The following CSRNP3 variants were observed in gnomAD, a reference collection of about 807,000 sequenced individuals.
CSRNP3 encodes the protein cysteine/serine-rich nuclear protein 3.
CSRNP3 carries 12 observed loss-of-function variants against 48.0 expected under a neutral mutation model. The ratio of observed to expected loss-of-function variants is 0.25; its 90% CI spans 0.16 to 0.41. CSRNP3 has a LOEUF of 0.41. Among genes scored for constraint, CSRNP3 ranks in the 10% least tolerant of loss-of-function variants. The pLI is 1.00. For missense variants in CSRNP3, 580 were observed against 724.4 expected, an observed-to-expected ratio of 0.80 and a Z score of 2.29; for synonymous variants, 263 against 269.7, an observed-to-expected ratio of 0.98 and a Z score of 0.24.
chr2:165,533,870 A>C (rs1485967244), intron 3 of CSRNP3, among the ~76,000 whole-genome samples: 1 of 152,024 alleles, frequency 6.6e-6, no homozygotes, highest in East Asian at 1.9e-4. Context: ...TAGCAAGTTG[A>C]TAAGTGTAAG....
chr2:165,629,582 C>A (rs2105325473), intron 4 of CSRNP3, among the ~76,000 whole-genome samples: 1 of 152,242 alleles, frequency 6.6e-6, no homozygotes, highest in Admixed American at 6.5e-5. Context: ...CGACTTGTCC[C>A]AGGTCATTTG....
At chr2:165,675,471 C>A (rs985263331) in intron 5 of CSRNP3, among the ~76,000 whole-genome samples, 2 of 152,048 alleles carry the variant, frequency 1.3e-5, no homozygotes, top group African/African-American at 4.8e-5. Flanking sequence ...TAACGTGATA[C>A]AATAGTAAGA....
chr2:165,471,935 C>G (rs1465524701), intron 1 of CSRNP3, among the ~76,000 whole-genome samples: 1 of 151,846 alleles, frequency 6.6e-6, no homozygotes, highest in East Asian at 1.9e-4. Flanking sequence ...CAAATGAAAA[C>G]CATGTAAGGC....
intron 4 of CSRNP3, among the ~76,000 whole-genome samples, chr2:165,632,670 G>T (rs929667040): frequency 3.3e-5 from 5 of 152,144 alleles, no homozygotes; most frequent in Non-Finnish European, 7.4e-5. Flanking sequence ...GAGTCTCCAT[G>T]AGAATATTTT....
At position 165,680,609 on chromosome 2, in the gene CSRNP3, C is replaced by T. The variant is rs994577992; in HGVS notation, c.*856C>T. ...CTTGGACAGCACCTTTAAGCTCTAC[C>T]CCCTACATCAAAATGCACTTTAGTG... On this transcript the variant is annotated 3_prime_UTR_variant, in exon 7 of 7. Transcript: ENST00000651982. 1.3e-5 allele frequency: 2 copies of T among 152,356 alleles called. No homozygotes were observed. Among genetic ancestry groups the T allele is most frequent in the African/African-American group, 4.8e-5 (2 of 41,316 alleles). 9.4% of individuals were successfully genotyped at this position (152,356 alleles called of 1,614,324 possible).
intron 4 of CSRNP3, among the ~76,000 whole-genome samples, chr2:165,602,417 A>G (rs888723826): frequency 1.3e-4 from 20 of 152,190 alleles, no homozygotes; most frequent in African/African-American, 3.4e-4. Flanking sequence ...GGGGTACACA[A>G]TCTGGGACCA....
chr2:165,552,694 ATTTTTTAT>A (rs1685113398), intron 3 of CSRNP3, among the ~76,000 whole-genome samples: 1 of 151,320 alleles, frequency 6.6e-6, no homozygotes. Flanking sequence ...TAATTTATCT[ATTTTTTAT>A]TTTTTTATTT....
intron 3 of CSRNP3, among the ~76,000 whole-genome samples, chr2:165,569,690 A>G (rs1003771294): frequency 6.6e-6 from 1 of 151,906 alleles, no homozygotes; most frequent in Non-Finnish European, 1.5e-5. Context: ...TGGCCCATAA[A>G]CTTGTTTTAT....
In CSRNP3 at chr2:165,687,895, G is replaced by A. The variant is rs570805450; in HGVS notation, c.*8142G>A. 7.2e-5 allele frequency: 11 copies of A among 151,944 alleles called. No homozygotes were observed. The highest frequency in any genetic ancestry group is 3.9e-4 in the East Asian group (2 of 5,164). 9.4% of individuals were successfully genotyped at this position (151,944 alleles called of 1,614,324 possible). Reference sequence around the variant, plus strand: ...TCACCAGAAGATGAGGAACACCCCCGAAATCAATGTTTCCTTTCTCCATGG... The same window carrying A: ...TCACCAGAAGATGAGGAACACCCCCAAAATCAATGTTTCCTTTCTCCATGG... On this transcript the variant is annotated 3_prime_UTR_variant, in exon 7 of 7. Coordinates refer to ENST00000651982, the MANE Select transcript of CSRNP3 (RefSeq NM_001172173.2).
intron 4 of CSRNP3, among the ~76,000 whole-genome samples, chr2:165,636,187 T>C (rs1379118393): frequency 1.3e-5 from 2 of 152,226 alleles, no homozygotes; most frequent in African/African-American, 2.4e-5. Context: ...TTATTAGCTA[T>C]GGCAAGTGAC....
At chr2:165,510,042 G>A (rs952433336) in intron 2 of CSRNP3, among the ~76,000 whole-genome samples, 1 of 152,148 alleles carries the variant, frequency 6.6e-6, no homozygotes. Flanking sequence ...GAGAAGTAAA[G>A]TACTCTTCAT....
At chr2:165,653,921 G>A (rs538543147) in intron 4 of CSRNP3, among the ~76,000 whole-genome samples, 14 of 122,682 alleles carry the variant, frequency 1.1e-4, no homozygotes, top group Non-Finnish European at 1.9e-4. Flanking sequence ...GCAGTGAACC[G>A]AGATCATGCC....
intron 1 of CSRNP3, among the ~76,000 whole-genome samples, chr2:165,486,167 T>C (rs961875149): frequency 2.6e-5 from 4 of 151,970 alleles, no homozygotes; most frequent in African/African-American, 9.7e-5. Flanking sequence ...CCTTTCCGAG[T>C]CAAATAAATG....
At chr2:165,651,511 T>C (rs574819829) in intron 4 of CSRNP3, among the ~76,000 whole-genome samples, 13 of 152,298 alleles carry the variant, frequency 8.5e-5, no homozygotes, top group African/African-American at 2.9e-4. Flanking sequence ...TAATTCTTAG[T>C]TTTTGGTTTC....
intron 3 of CSRNP3, among the ~76,000 whole-genome samples, chr2:165,571,319 C>T (rs1300682893): frequency 6.6e-6 from 1 of 151,820 alleles, no homozygotes; most frequent in East Asian, 1.9e-4. Flanking sequence ...AGCTTTCAAA[C>T]ATCATTTTAA....
chr2:165,470,399 T>G (rs1360254077), intron 1 of CSRNP3, among the ~76,000 whole-genome samples: 1 of 152,120 alleles, frequency 6.6e-6, no homozygotes, highest in African/African-American at 2.4e-5. Context: ...CTTGTTAACT[T>G]ACATGGAGCC....
At chr2:165,574,316 A>G (rs1370962308) in intron 3 of CSRNP3, 1 of 1,501,936 alleles carries the variant, frequency 6.7e-7, no homozygotes, top group African/African-American at 1.4e-5. Context: ...TGCCTGAAAA[A>G]AATGTACTGG....
intron 1 of CSRNP3, among the ~76,000 whole-genome samples, chr2:165,488,071 C>T (rs1405228187): frequency 1.1e-5 from 1 of 89,658 alleles, no homozygotes; most frequent in Non-Finnish European, 2.2e-5. Flanking sequence ...CAGAGACACA[C>T]ATAGGCTCAA....
chr2:165,496,690 G>A (rs16850775), intron 2 of CSRNP3, among the ~76,000 whole-genome samples: 2,408 of 151,760 alleles, frequency 0.016, 58 homozygotes, highest in African/African-American at 0.054. Flanking sequence ...TCCTTTAGCC[G>A]CTCCTAAAAA....
Sources: allele counts gnomAD v4.1 joint callset (sites outside exome capture counted in the v4.1 genomes callset), GRCh38; gene constraint gnomAD v4.1.1; transcripts MANE v1.5; gene names NCBI Gene and HGNC (gene_info 2026-07-23, HGNC 2026-07-21).